BACH2: variants seen among roughly 807,000 people sequenced by gnomAD.
BACH2 encodes the protein BACH transcriptional regulator 2, also known as transcription regulator protein BACH2.
In BACH2, 5 loss-of-function variants were observed where a neutral mutation model predicts 61.8. That is an observed-to-expected ratio of 0.08 (90% CI 0.04 to 0.17). The LOEUF (loss-of-function observed/expected upper bound fraction) is 0.17. Among genes scored for constraint, BACH2 ranks in the 10% least tolerant of loss-of-function variants. The probability of loss-of-function intolerance (pLI) is 1.00; values close to 1 mark genes in which losing one functional copy is unlikely to be tolerated. For missense variants in BACH2, 824 were observed against 1,091.1 expected (o/e 0.76, Z 3.45); for synonymous variants, 446 against 440.1 (o/e 1.01, Z -0.17).
In BACH2 at chr6:90,296,812, G is replaced by A. The variant is rs1051774581; in HGVS notation, c.-778C>T. 82 of 177,128 alleles carry A rather than the reference G, an allele frequency of 4.6e-4. No individual in the cohort carries two copies. Among genetic ancestry groups the A allele is most frequent in the Non-Finnish European group, 7.7e-4 (68 of 88,000 alleles). The allele number at this position is 177,128 out of a possible 1,614,324, so 11.0% of individuals were successfully genotyped here. A position where few individuals can be genotyped will look rare whatever the true frequency, so the allele number is the denominator to read the frequency against. ...TGCTGCCGCTGCTGCTGCTGCTGCTGCTGCTGAGGCGGCGGCGGCTCGGCG... is the reference window on the plus strand; with the variant it reads ...TGCTGCCGCTGCTGCTGCTGCTGCTACTGCTGAGGCGGCGGCGGCTCGGCG... On this transcript the variant is annotated 5_prime_UTR_variant, in exon 1 of 9. Transcript: ENST00000257749.
At chr6:90,293,096 G>A (rs916752428) in intron 1 of BACH2, among the ~76,000 whole-genome samples, 9 of 152,188 alleles carry the variant, frequency 5.9e-5, no homozygotes, top group Admixed American at 5.2e-4. Context: ...GAAAACAGCA[G>A]AACCTTATAC....
At chr6:90,130,866 T>C (rs1268083373) in intron 4 of BACH2, among the ~76,000 whole-genome samples, 1 of 152,272 alleles carries the variant, frequency 6.6e-6, no homozygotes, top group East Asian at 1.9e-4. Flanking sequence ...CTGCGGTTAA[T>C]CTGTGAACTT....
intron 4 of BACH2, among the ~76,000 whole-genome samples, chr6:90,178,989 T>A (rs188180725): frequency 5.1e-4 from 78 of 152,342 alleles, no homozygotes; most frequent in African/African-American, 1.9e-3. Flanking sequence ...ACATTTTTTA[T>A]GACTCGTTAA....
At chr6:89,968,936 G>A (rs1775201382) in intron 6 of BACH2, among the ~76,000 whole-genome samples, 1 of 152,096 alleles carries the variant, frequency 6.6e-6, no homozygotes, top group African/African-American at 2.4e-5. Context: ...GCTTGAATCT[G>A]GGAGGCGGAG....
intron 5 of BACH2, among the ~76,000 whole-genome samples, chr6:90,021,298 G>GAAAAAAAAAAAAAAAAAAAAAAAA (rs1554229381): frequency 1.2e-5 from 1 of 81,644 alleles, no homozygotes; most frequent in African/African-American, 5.3e-5. Context: ...AAGCAAAAAA[G>GAAAAAAAAAAAAAAAAAAAAAAAA]TAAAAAAAAA....
At position 89,950,483 on chromosome 6, in the gene BACH2, A is replaced by T; in HGVS notation, c.1623T>A (p.Pro541=). Residue 541 remains proline, a synonymous_variant, in exon 7 of 9, where the codon CCT becomes CCA. Coordinates refer to ENST00000257749, the MANE Select transcript of BACH2 (RefSeq NM_021813.4). The surrounding 1 kb of genome is among the most constrained non-coding windows in gnomAD (Gnocchi z 5.3). Reference sequence around the variant, plus strand: ...AGGGCGAGGAGGAGAACTCACAGAGAGGGAGGCTGCAGGGTGAGCCCCCGC... The same window carrying T: ...AGGGCGAGGAGGAGAACTCACAGAGTGGGAGGCTGCAGGGTGAGCCCCCGC... ...DGSGGSPCSL[P]LCEFSSSPCS... The T allele has an allele frequency of 6.2e-7, 1 of 1,614,096 alleles. No individual in the cohort carries two copies. The highest frequency in any genetic ancestry group is 1.1e-5 in the South Asian group (1 of 91,080).
At chr6:90,231,865 A>C (rs1285717132) in intron 3 of BACH2, among the ~76,000 whole-genome samples, 2 of 152,188 alleles carry the variant, frequency 1.3e-5, no homozygotes, top group African/African-American at 4.8e-5. Context: ...TATTTAAGAG[A>C]GCCTTGGAGA....
At chr6:90,274,855 A>G (rs1771642628) in intron 1 of BACH2, among the ~76,000 whole-genome samples, 1 of 152,194 alleles carries the variant, frequency 6.6e-6, no homozygotes, top group African/African-American at 2.4e-5. Flanking sequence ...TGCATCAAAT[A>G]CCTGGGGCAC....
At position 89,985,259 on chromosome 6, in the gene BACH2, TC is replaced by T. The variant is rs1416475273; in HGVS notation, c.243+23342del. Among the ~76,000 whole-genome samples, 3 of 152,294 alleles carry T rather than the reference TC, an allele frequency of 2.0e-5. No individual in the cohort carries two copies. In the East Asian group the frequency reaches 5.8e-4, roughly 29 times the overall value. On this transcript the variant is annotated intron_variant, in intron 6 of 8. Transcript: ENST00000257749. ...GAAGTTTCCAAGCATCTACTGTGGT[TC>T]TCAATCCTTTGCAGGGAAGTAAACA... is the stretch of plus-strand genomic sequence containing the variant.
At chr6:89,987,952 C>A (rs1776333489) in intron 6 of BACH2, among the ~76,000 whole-genome samples, 1 of 152,062 alleles carries the variant, frequency 6.6e-6, no homozygotes, top group Non-Finnish European at 1.5e-5. Flanking sequence ...ATACCACTAG[C>A]AAAACAAAGA....
chr6:90,149,509 T>G (rs569160296), intron 4 of BACH2, among the ~76,000 whole-genome samples: 1 of 152,234 alleles, frequency 6.6e-6, no homozygotes, highest in Non-Finnish European at 1.5e-5. Context: ...ACTTATCAGC[T>G]GAGGCATCTG....
At chr6:89,934,230 T>C (rs17708487) in intron 8 of BACH2, among the ~76,000 whole-genome samples, 29,763 of 152,128 alleles carry the variant, frequency 0.2, 3,160 homozygotes, top group Non-Finnish European at 0.24. Flanking sequence ...CCTTGAGTAC[T>C]AGCCCAAGGT....
At chr6:90,264,020 T>C (rs534210919) in intron 2 of BACH2, among the ~76,000 whole-genome samples, 2 of 152,296 alleles carry the variant, frequency 1.3e-5, no homozygotes, top group South Asian at 2.1e-4. Context: ...TTGGACTAGA[T>C]AAAGTAAATA....
At chr6:90,028,682 C>A (rs1274398595) in intron 5 of BACH2, among the ~76,000 whole-genome samples, 1 of 152,206 alleles carries the variant, frequency 6.6e-6, no homozygotes, top group African/African-American at 2.4e-5. Context: ...AACAGAATGA[C>A]TCCTGGAGAA....
chr6:89,970,982 T>C (rs916671577), intron 6 of BACH2, among the ~76,000 whole-genome samples: 2 of 152,362 alleles, frequency 1.3e-5, no homozygotes, highest in Non-Finnish European at 2.9e-5. Context: ...TTGGAACTTA[T>C]GGTTTGTTCA....
intron 6 of BACH2, among the ~76,000 whole-genome samples, chr6:89,983,962 G>A (rs1205355832): frequency 6.6e-6 from 1 of 152,200 alleles, no homozygotes; most frequent in Non-Finnish European, 1.5e-5. Flanking sequence ...CCTGGCTGTT[G>A]TCTCTTTCTT....
intron 4 of BACH2, among the ~76,000 whole-genome samples, chr6:90,170,529 T>C (rs148583254): frequency 1.3e-3 from 205 of 152,304 alleles, no homozygotes; most frequent in African/African-American, 4.6e-3. Context: ...GACTGATTCT[T>C]AAAGACCTTT....
At position 90,008,572 on chromosome 6, in the gene BACH2, T is replaced by C; in HGVS notation, c.243+30A>G. The C allele has an allele frequency of 6.2e-7, 1 of 1,611,320 alleles. No individual in the cohort carries two copies. Among genetic ancestry groups the C allele is most frequent in the Non-Finnish European group, 8.5e-7 (1 of 1,178,512 alleles). ...TTTTCTGTAAGTCAATAAACATTCATTAACAATCACACAAACCAAATTACT... is the reference window on the plus strand; with the variant it reads ...TTTTCTGTAAGTCAATAAACATTCACTAACAATCACACAAACCAAATTACT... On this transcript the variant is annotated intron_variant, in intron 6 of 8. Coordinates refer to ENST00000257749, the MANE Select transcript of BACH2 (RefSeq NM_021813.4). The surrounding 1 kb of genome is among the most constrained non-coding windows in gnomAD (Gnocchi z 4.1).
intron 4 of BACH2, among the ~76,000 whole-genome samples, chr6:90,106,579 A>G (rs1428395304): frequency 6.6e-6 from 1 of 152,170 alleles, no homozygotes; most frequent in African/African-American, 2.4e-5. Flanking sequence ...TTGCACAATG[A>G]TGAGACTGCC....
Sources: gnomAD v4.1 joint callset for allele counts (sites outside exome capture counted in the v4.1 genomes callset) on GRCh38, gnomAD v4.1.1 for gene constraint, Gnocchi (gnomAD v3.1) non-coding constraint, MANE v1.5 for transcripts, NCBI Gene and HGNC (gene_info 2026-07-23, HGNC 2026-07-21) for gene names.